Variants in COL28A1 observed in about 807,000 individuals in gnomAD.
COL28A1 encodes collagen alpha-1(XXVIII) chain.
Under a neutral mutation model 150.2 loss-of-function variants are expected in COL28A1, and 161 were observed. The ratio of observed to expected loss-of-function variants is 1.07; its 90% CI spans 0.94 to 1.22. The LOEUF (loss-of-function observed/expected upper bound fraction) is 1.22, where lower values mean the gene tolerates loss of function less well. COL28A1 is among the 50% of genes most tolerant of loss of function. COL28A1 has a pLI of 0.00. For missense variants in COL28A1, 1,617 were observed against 1,388.3 expected (o/e 1.16, Z -2.62); for synonymous variants, 552 against 469.7 (o/e 1.18, Z -2.26).
intron 11 of COL28A1, among the ~76,000 whole-genome samples, chr7:7,497,555 G>C (rs534436810): frequency 6.6e-6 from 1 of 152,022 alleles, no homozygotes; most frequent in African/African-American, 2.4e-5. Context: ...ATGCCAAACT[G>C]CCTCTTGAAA....
intron 3 of COL28A1, among the ~76,000 whole-genome samples, chr7:7,530,315 G>A (rs1204914689): frequency 1.3e-5 from 2 of 152,078 alleles, no homozygotes; most frequent in Non-Finnish European, 2.9e-5. Context: ...TATTATTTAG[G>A]TAAGAAAACC....
chr7:7,351,172 C>T, the COL28A1 span, among the ~76,000 whole-genome samples: 2 of 152,118 alleles, frequency 1.3e-5, no homozygotes, highest in African/African-American at 4.8e-5. Flanking sequence ...TTCTCCCCCA[C>T]TTTAGTCACC....
chr7:7,355,813 A>T (rs930489735), downstream of COL28A1, among the ~76,000 whole-genome samples: 1 of 152,158 alleles, frequency 6.6e-6, no homozygotes, highest in Non-Finnish European at 1.5e-5. Context: ...ATACTCTGCA[A>T]CCCAGAAATC....
intron 28 of COL28A1, 56 bp downstream of exon 28, chr7:7,381,488 G>C: frequency 7.9e-7 from 1 of 1,272,068 alleles, no homozygotes; most frequent in Non-Finnish European, 1.1e-6. Context: ...CAAAGTTAAA[G>C]TTAAGCTATT....
At chr7:7,419,810 T>C (rs532255947) in intron 26 of COL28A1, 75 bp downstream of exon 26, 11 of 916,450 alleles carry the variant, frequency 1.2e-5, no homozygotes, top group Non-Finnish European at 1.7e-5. Context: ...CGAACACTTA[T>C]TATGAAGTTA....
intron 27 of COL28A1, among the ~76,000 whole-genome samples, chr7:7,387,205 G>C (rs1782239605): frequency 6.6e-6 from 1 of 152,084 alleles, no homozygotes; most frequent in African/African-American, 2.4e-5. Flanking sequence ...AATGAATCCT[G>C]GGCCCAGATC....
At chr7:7,393,590 ACGGGGGTTTTATCTATAAG>A (rs1207043041) in intron 27 of COL28A1, among the ~76,000 whole-genome samples, 1 of 133,736 alleles carries the variant, frequency 7.5e-6, no homozygotes, top group Non-Finnish European at 1.6e-5. Flanking sequence ...TCCGAGGGAG[ACGGGGGTTTTATCTATAAG>A]CCCCTTGCTG....
chr7:7,421,307 T>C (rs1784380690), intron 25 of COL28A1, among the ~76,000 whole-genome samples: 1 of 152,116 alleles, frequency 6.6e-6, no homozygotes, highest in South Asian at 2.1e-4. Flanking sequence ...GACAGCAACA[T>C]GGATTAACTA....
the COL28A1 span, among the ~76,000 whole-genome samples, chr7:7,345,585 T>C: frequency 6.6e-6 from 1 of 152,114 alleles, no homozygotes; most frequent in South Asian, 2.1e-4. Context: ...TTTTTTAAAA[T>C]CTTCATTTTA....
At chr7:7,478,163 C>T (rs527628673) in intron 13 of COL28A1, among the ~76,000 whole-genome samples, 19 of 151,104 alleles carry the variant, frequency 1.3e-4, no homozygotes, top group Admixed American at 8.6e-4. Context: ...AGAGTGCCGA[C>T]TGGTGCATTC....
intron 1 of COL28A1, among the ~76,000 whole-genome samples, chr7:7,535,431 T>C (rs114239656): frequency 1.1e-3 from 169 of 152,276 alleles, no homozygotes; most frequent in African/African-American, 3.8e-3. Flanking sequence ...AGTTGTAAAG[T>C]ATTCTATAAC....
At chr7:7,383,694 ATATATATATG>A (rs60217042) in intron 27 of COL28A1, among the ~76,000 whole-genome samples, 6,336 of 143,550 alleles carry the variant, frequency 0.044, 487 homozygotes, top group African/African-American at 0.15. Flanking sequence ...ATATATATAT[ATATATATATG>A]TATATGAGAT....
chr7:7,343,418 T>C, the COL28A1 span, among the ~76,000 whole-genome samples: 2 of 152,092 alleles, frequency 1.3e-5, no homozygotes, highest in South Asian at 4.1e-4. Context: ...TCTTTTTCCT[T>C]GCTGCGTGCT....
chr7:7,513,808 T>C (rs988688638), intron 8 of COL28A1, among the ~76,000 whole-genome samples: 3 of 152,222 alleles, frequency 2.0e-5, no homozygotes, highest in South Asian at 2.1e-4. Flanking sequence ...GGGGCACAGA[T>C]TGCCATCAAT....
intron 25 of COL28A1, among the ~76,000 whole-genome samples, chr7:7,426,880 T>C (rs1234494729): frequency 1.3e-5 from 2 of 152,240 alleles, no homozygotes; most frequent in Non-Finnish European, 2.9e-5. Context: ...AAAACATAAA[T>C]ATTGATACTG....
At chr7:7,523,813 C>A (rs1781875506) in intron 4 of COL28A1, among the ~76,000 whole-genome samples, 4 of 152,166 alleles carry the variant, frequency 2.6e-5, no homozygotes. Flanking sequence ...AATTGGCAGG[C>A]AGCAGGGGAT....
chr7:7,462,616 T>C (rs1458926620), intron 15 of COL28A1, among the ~76,000 whole-genome samples: 1 of 152,174 alleles, frequency 6.6e-6, no homozygotes, highest in Non-Finnish European at 1.5e-5. Context: ...CCCAACACTT[T>C]GGGAGGCCGA....
chr7:7,484,353 AT>A (rs942230569), intron 13 of COL28A1, among the ~76,000 whole-genome samples: 6 of 152,202 alleles, frequency 3.9e-5, no homozygotes, highest in Non-Finnish European at 8.8e-5. Context: ...AAACAATGGC[AT>A]TTCAACCAAA....
chr7:7,457,612 T>C (rs1386892576), intron 15 of COL28A1, among the ~76,000 whole-genome samples: 2 of 152,110 alleles, frequency 1.3e-5, no homozygotes, highest in Non-Finnish European at 2.9e-5. Context: ...AAGGCCATAA[T>C]TGAGTGAATT....
Sources: gnomAD v4.1 joint callset for allele counts (sites outside exome capture counted in the v4.1 genomes callset) on GRCh38, gnomAD v4.1.1 for gene constraint, MANE v1.5 for transcripts, NCBI Gene and HGNC (gene_info 2026-07-23, HGNC 2026-07-21) for gene names.